ZNF529: variants seen among roughly 807,000 people sequenced by gnomAD.
ZNF529 encodes the protein zinc finger protein 529.
ZNF529 carries 11 observed loss-of-function variants against 10.1 expected under a neutral mutation model. The observed-to-expected ratio is 1.09, with a 90% CI of 0.69 to 1.81. The LOEUF (loss-of-function observed/expected upper bound fraction) is 1.81. Ranked by LOEUF, ZNF529 falls within the 40% of genes most tolerant of loss-of-function variation. The pLI is 0.00. For missense variants in ZNF529, 624 were observed against 666.8 expected (o/e 0.94, Z 0.71); for synonymous variants, 204 against 215.7 (o/e 0.95, Z 0.47).
At chr19:36,601,883 T>C (rs2036928352) in intron 1 of ZNF529, among the ~76,000 whole-genome samples, 1 of 151,956 alleles carries the variant, frequency 6.6e-6, no homozygotes, top group Non-Finnish European at 1.5e-5. Flanking sequence ...AAAGGCAAAA[T>C]TAAGGATATT....
intron 2 of ZNF529, among the ~76,000 whole-genome samples, chr19:36,567,745 A>G (rs1262378656): frequency 1.3e-5 from 2 of 152,004 alleles, no homozygotes; most frequent in Non-Finnish European, 2.9e-5. Context: ...TCTGGCCTAT[A>G]TTTGGCAATG....
At chr19:36,572,668 C>A (rs1465913101) in intron 1 of ZNF529, among the ~76,000 whole-genome samples, 2 of 152,186 alleles carry the variant, frequency 1.3e-5, no homozygotes, top group African/African-American at 4.8e-5. Flanking sequence ...ATGAATACTA[C>A]ACCTATGCCC....
intron 4 of ZNF529, 129 bp from the exon 5 acceptor site, chr19:36,548,451 G>A (rs1364887978): frequency 2.6e-5 from 23 of 875,402 alleles, no homozygotes; most frequent in Non-Finnish European, 3.7e-5. Flanking sequence ...GATAAAGAGA[G>A]CTCACAGAGT....
At chr19:36,605,456 AGTCCG>A (rs1486043819), upstream of ZNF529, 1 of 152,576 alleles carries the variant, frequency 6.6e-6, no homozygotes, top group Non-Finnish European at 1.5e-5. Context: ...GGTAACCAAG[AGTCCG>A]AGCCGGGCCT....
At chr19:36,556,370 T>C (rs188063855) in intron 2 of ZNF529, among the ~76,000 whole-genome samples, 173 bp from the exon 3 acceptor site, 1 of 152,288 alleles carries the variant, frequency 6.6e-6, no homozygotes, top group East Asian at 1.9e-4. Flanking sequence ...GTCCATTCTA[T>C]CTTGGTGAGA....
Position 36,547,758 on chromosome 19 carries a change from C to G in ZNF529, c.800G>C (p.Gly267Ala), listed in dbSNP as rs1317271920. ...AACTCTTTGAAGTGGAGTAACTTTT[C>G]CAACTCTTTCAAAGGTCCTTCTGTA... is the stretch of plus-strand genomic sequence containing the variant. ...KEYRRTFERV[G>A]KVTPLQRVHD... is the part of the protein sequence containing the mutation. The change falls in exon 5 of 5, where the codon GGA (glycine) becomes GCA (alanine). Residue 267 changes from glycine to alanine, a missense_variant. By Grantham distance (60) the Gly-to-Ala change is moderately conservative. Coordinates refer to ENST00000591340, the MANE Select transcript of ZNF529 (RefSeq NM_020951.5). The G allele has an allele frequency of 6.2e-7, 1 of 1,613,222 alleles. No homozygotes were observed. Among genetic ancestry groups the G allele is most frequent in the Non-Finnish European group, 8.5e-7 (1 of 1,179,646 alleles).
intron 2 of ZNF529, chr19:36,581,163 T>C (rs889994540): frequency 4.6e-5 from 7 of 152,204 alleles, no homozygotes; most frequent in East Asian, 1.9e-4. Context: ...TGATAGACTA[T>C]TGGCTGGACC....
At position 36,546,888 on chromosome 19, in the gene ZNF529, G is replaced by A. The variant is rs1393762986; in HGVS notation, c.1670C>T (p.Thr557Ile). Residue 557 changes from threonine to isoleucine, a missense_variant, in exon 5 of 5, where the codon ACT becomes ATT. Thr to Ile is a moderately conservative substitution (Grantham distance 89). Transcript: ENST00000591340. ...GHLTCQPKIY[T>I]GEKSFD ...ATTTCAGTCAAATGATTTCTCACCAGTGTAAATTTTCGGTTGGCAAGTAAG... is the reference window on the plus strand; with the variant it reads ...ATTTCAGTCAAATGATTTCTCACCAATGTAAATTTTCGGTTGGCAAGTAAG... 6 of 1,610,620 alleles carry A rather than the reference G, an allele frequency of 3.7e-6. No individual in the cohort carries two copies. The African/African-American group carries it at 8.0e-5, about 22-fold the overall frequency.
At chr19:36,578,291 CTTTTTTTTTTTTTTTTTT>C (rs1159725232), upstream of ZNF529, among the ~76,000 whole-genome samples, 6 of 31,794 alleles carry the variant, frequency 1.9e-4, no homozygotes, top group Admixed American at 1.7e-3. Context: ...GTCTTGATCT[CTTTTTTTTTTTTTTTTTT>C]TTTTTTTTTT....
In ZNF529 at chr19:36,579,199, TA is replaced by T. The variant is rs778678870; in HGVS notation, c.-41+10415del. 6.4e-3 allele frequency among the ~76,000 whole-genome samples: 882 copies of T among 138,890 alleles called. 2 individuals carry two copies. The highest frequency in any genetic ancestry group is 8.2e-3 in the African/African-American group (311 of 38,106). 91.1% of individuals were successfully genotyped at this position (138,890 alleles called of 152,430 possible). ...CTGGGAGACAGAGTGAGACTCCGTCTAAAAAAAAAAAAAATACTACACGTGT... is the reference window on the plus strand; with the variant it reads ...CTGGGAGACAGAGTGAGACTCCGTCTAAAAAAAAAAAAATACTACACGTGT... On this transcript the variant is annotated intron_variant, in intron 2 of 4. Transcript: ENST00000585960.
At chr19:36,581,113 T>G (rs2145241193) in intron 2 of ZNF529, 1 of 152,290 alleles carries the variant, frequency 6.6e-6, no homozygotes, top group African/African-American at 2.4e-5. Context: ...TACCCACAAT[T>G]GAAAAATTAC....
chr19:36,562,875 T>C (rs1258637336), intron 2 of ZNF529, among the ~76,000 whole-genome samples: 1 of 149,884 alleles, frequency 6.7e-6, no homozygotes, highest in African/African-American at 2.5e-5. Context: ...TAAGAGGTGA[T>C]GAGGGGCTCC....
intron 1 of ZNF529, among the ~76,000 whole-genome samples, chr19:36,595,403 T>C (rs1409448894): frequency 6.6e-6 from 1 of 151,886 alleles, no homozygotes; most frequent in Non-Finnish European, 1.5e-5. Flanking sequence ...ACACAAAAGG[T>C]AAAGAAAGCA....
chr19:36,543,707 C>T lies in ZNF529; in HGVS notation c.*3159G>A, dbSNP rs769876732. On this transcript the variant is annotated 3_prime_UTR_variant, in exon 5 of 5. Transcript: ENST00000591340. ...CCTGGTAAGGGCTCTCTTGGCTTCT[C>T]CTTGTGTCCTCATGTGGACTTTCCT... 5 of 152,052 alleles carry T rather than the reference C, an allele frequency of 3.3e-5. No individual in the cohort carries two copies. The highest frequency in any genetic ancestry group is 7.2e-5 in the African/African-American group (3 of 41,402). 9.4% of individuals were successfully genotyped at this position (152,052 alleles called of 1,614,324 possible). A position where few individuals can be genotyped will look rare whatever the true frequency, so the allele number is the denominator to read the frequency against.
upstream of ZNF529, chr19:36,574,969 G>T: frequency 2.2e-6 from 1 of 464,336 alleles, no homozygotes; most frequent in South Asian, 1.6e-5. Flanking sequence ...ATTTGTGTGT[G>T]TGAGATTGTG....
intron 1 of ZNF529, among the ~76,000 whole-genome samples, chr19:36,602,971 C>T (rs2036953384): frequency 6.6e-6 from 1 of 151,154 alleles, no homozygotes; most frequent in African/African-American, 2.4e-5. Context: ...GGCCAAACCT[C>T]ATGCAAGAAC....
intron 2 of ZNF529, among the ~76,000 whole-genome samples, chr19:36,559,725 G>T (rs2035611168): frequency 6.6e-6 from 1 of 152,168 alleles, no homozygotes; most frequent in Non-Finnish European, 1.5e-5. Context: ...GTGTTTGTAT[G>T]TGTGTGTATA....
At position 36,546,914 on chromosome 19, in the gene ZNF529, A is replaced by G. The variant is rs527440575; in HGVS notation, c.1644T>C (p.His548=). The G allele has an allele frequency of 1.2e-5, 20 of 1,612,520 alleles. No individual in the cohort carries two copies. Among genetic ancestry groups the G allele is most frequent in the Non-Finnish European group, 1.7e-5 (20 of 1,179,180 alleles). ...TGTAAATTTTCGGTTGGCAAGTAAG[A>G]TGCCCAACAACACTAAAGGAATTCC... ...ECGNSFSVVG[H]LTCQPKIYTG... is the part of the protein sequence containing the mutation. Residue 548 remains histidine (H), a synonymous_variant, in exon 5 of 5, where the codon CAT becomes CAC. Transcript: ENST00000591340.
At chr19:36,604,404 T>C (rs779658111) in intron 1 of ZNF529, among the ~76,000 whole-genome samples, 7 of 152,154 alleles carry the variant, frequency 4.6e-5, no homozygotes, top group Non-Finnish European at 8.8e-5. Flanking sequence ...TTCTTTTCGA[T>C]AGCCATTTGA....
Sources: allele counts gnomAD v4.1 joint callset (sites outside exome capture counted in the v4.1 genomes callset), GRCh38; gene constraint gnomAD v4.1.1; transcripts MANE v1.5; gene names NCBI Gene and HGNC (gene_info 2026-07-23, HGNC 2026-07-21).